Variants in RBM25 observed in about 807,000 individuals in gnomAD.
The protein encoded by RBM25 is RNA-binding protein 25.
A neutral mutation model predicts 120.7 loss-of-function variants in RBM25; 19 were observed. The ratio of observed to expected loss-of-function variants is 0.16; its 90% CI spans 0.11 to 0.23. The LOEUF is 0.23. Ranked by LOEUF, RBM25 falls within the 10% of genes least tolerant of loss-of-function variation. The probability of loss-of-function intolerance (pLI) is 1.00; values close to 1 mark genes in which losing one functional copy is unlikely to be tolerated. For synonymous variants in RBM25, 390 were observed against 326.7 expected (o/e 1.19, Z -2.09); for missense variants, 605 against 1,041.5 (o/e 0.58, Z 5.77).
In RBM25 at chr14:73,123,581, AG is replaced by A. The variant is rs1896570462; in HGVS notation, c.*3777del. 1 of 152,254 alleles carries A rather than the reference AG, an allele frequency of 6.6e-6. No individual in the cohort carries two copies. 9.4% of individuals were successfully genotyped at this position (152,254 alleles called of 1,614,324 possible). Reference sequence around the variant, plus strand: ...AGGCAAAGAAACAGTCTAGCTGTCAAGAAGAAAACAGGGAGATACATACCAA... The same window carrying A: ...AGGCAAAGAAACAGTCTAGCTGTCAAAAGAAAACAGGGAGATACATACCAA... On this transcript the variant is annotated 3_prime_UTR_variant, in exon 19 of 19. Coordinates refer to ENST00000261973, the MANE Select transcript of RBM25 (RefSeq NM_021239.3).
chr14:73,097,923 T>C (rs1895983724), intron 7 of RBM25, among the ~76,000 whole-genome samples: 1 of 152,230 alleles, frequency 6.6e-6, no homozygotes, highest in East Asian at 1.9e-4. Flanking sequence ...CTCATACTTA[T>C]TTCCTTTGGA....
chr14:73,065,336 C>G (rs989236658), intron 1 of RBM25, among the ~76,000 whole-genome samples: 1 of 152,056 alleles, frequency 6.6e-6, no homozygotes, highest in Non-Finnish European at 1.5e-5. Context: ...CCATGTTGGC[C>G]GGGCTGGTCT....
At chr14:73,081,721 A>T (rs552250681) in intron 4 of RBM25, among the ~76,000 whole-genome samples, 1 of 152,104 alleles carries the variant, frequency 6.6e-6, no homozygotes, top group Admixed American at 6.6e-5. Flanking sequence ...GTTTACCGGG[A>T]TATAGAATTC....
chr14:73,068,482 T>G lies in RBM25; in HGVS notation c.-15-3145T>G, dbSNP rs1252303802. Reference sequence around the variant, plus strand: ...GAAGGAACAAATCCAAGTTTTGACGTATTGTCAGTGTGCCGCATGTTGTAT... The same window carrying G: ...GAAGGAACAAATCCAAGTTTTGACGGATTGTCAGTGTGCCGCATGTTGTAT... On this transcript the variant is annotated intron_variant, in intron 1 of 18. Transcript: ENST00000261973. 5.6e-6 allele frequency: 5 copies of G among 893,970 alleles called. No homozygotes were observed. The Admixed American group carries it at 7.3e-5, about 13-fold the overall frequency. 55.4% of individuals were successfully genotyped at this position (893,970 alleles called of 1,614,324 possible).
chr14:73,088,968 C>G (rs1484887174), intron 6 of RBM25, among the ~76,000 whole-genome samples: 1 of 152,148 alleles, frequency 6.6e-6, no homozygotes, highest in East Asian at 1.9e-4. Context: ...TGGCGAAACC[C>G]TGTCTCTACT....
intron 6 of RBM25, among the ~76,000 whole-genome samples, chr14:73,096,378 A>T (rs966364290): frequency 1.3e-5 from 2 of 152,076 alleles, no homozygotes; most frequent in Non-Finnish European, 2.9e-5. Context: ...CATTATAAGC[A>T]CTCGTAGAAA....
chr14:73,091,245 G>A lies in RBM25; in HGVS notation c.543+3084G>A, dbSNP rs556713649. On this transcript the variant is annotated intron_variant, in intron 6 of 18. Transcript: ENST00000261973. ...GCTTGCTTGCTTTTTTTGGGGTGGG[G>A]ACAGAGTGTTGCTCTGTCACCCAGG... is the stretch of plus-strand genomic sequence containing the variant. 7.2e-5 allele frequency among the ~76,000 whole-genome samples: 11 copies of A among 152,260 alleles called. No homozygotes were observed. In the East Asian group the frequency reaches 2.1e-3, roughly 29 times the overall value.
rs112433051 is a variant in RBM25, at chr14:73,120,968, C to A, written c.*1163C>A. 7 of 152,132 alleles carry A rather than the reference C, an allele frequency of 4.6e-5. No individual in the cohort carries two copies. The highest frequency in any genetic ancestry group is 1.0e-4 in the Non-Finnish European group (7 of 68,016). The allele number at this position is 152,132 out of a possible 1,614,324, so 9.4% of individuals were successfully genotyped here. On this transcript the variant is annotated 3_prime_UTR_variant, in exon 19 of 19. Coordinates refer to ENST00000261973, the MANE Select transcript of RBM25 (RefSeq NM_021239.3). ...GTTTATATCTTGTTTTACCTTGGCT[C>A]ATTAGTGTTTAAAAATGTACTGATG...
At chr14:73,074,085 A>C (rs1030482185) in intron 2 of RBM25, among the ~76,000 whole-genome samples, 3 of 152,252 alleles carry the variant, frequency 2.0e-5, no homozygotes, top group Admixed American at 2.0e-4. Context: ...ATCAGCCATC[A>C]AACAGATTAA....
In RBM25 at chr14:73,062,913, C is replaced by T. The variant is rs1342498444; in HGVS notation, c.-16+4208C>T. On this transcript the variant is annotated intron_variant, in intron 1 of 18. Coordinates refer to ENST00000261973, the MANE Select transcript of RBM25 (RefSeq NM_021239.3). ...TCGGCTCATTGCAACCTCCACCTCC[C>T]GGGCTCAAGCGATTCTCCCATCTCA... Among the ~76,000 whole-genome samples, 4 of 150,736 alleles carry T rather than the reference C, an allele frequency of 2.7e-5. 1 individual carries two copies. Among genetic ancestry groups the T allele is most frequent in the Non-Finnish European group, 4.5e-5 (3 of 67,288 alleles).
intron 6 of RBM25, among the ~76,000 whole-genome samples, chr14:73,091,298 C>T (rs1251974990): frequency 2.6e-5 from 4 of 152,092 alleles, no homozygotes; most frequent in Non-Finnish European, 5.9e-5. Context: ...GTGATCTCTG[C>T]TCACTGCAAC....
At chr14:73,104,279 T>G (rs1896133196) in intron 10 of RBM25, among the ~76,000 whole-genome samples, 1 of 152,110 alleles carries the variant, frequency 6.6e-6, no homozygotes, top group African/African-American at 2.4e-5. Context: ...TCTTTCTGTC[T>G]ATAAATTTAC....
At chr14:73,070,173 G>A (rs548010630) in intron 1 of RBM25, among the ~76,000 whole-genome samples, 1 of 150,850 alleles carries the variant, frequency 6.6e-6, no homozygotes, top group South Asian at 2.1e-4. Context: ...TCAGCCTCCC[G>A]AGTAGCTGGG....
intron 13 of RBM25, 136 bp downstream of exon 13, chr14:73,108,035 T>C: frequency 1.5e-6 from 1 of 669,920 alleles, no homozygotes; most frequent in Non-Finnish European, 2.6e-6. Context: ...TTATTAATTC[T>C]ATAGCTAATA....
At chr14:73,107,635 A>G in intron 12 of RBM25, 191 bp from the exon 13 acceptor site, 1 of 530,446 alleles carries the variant, frequency 1.9e-6, no homozygotes, top group Admixed American at 3.9e-5. Flanking sequence ...TCTGGGATCC[A>G]GGAGAAACTT....
chr14:73,075,882 T>A (rs1325694650), intron 2 of RBM25, among the ~76,000 whole-genome samples: 2 of 151,656 alleles, frequency 1.3e-5, no homozygotes, highest in African/African-American at 4.8e-5. Flanking sequence ...CTGGGCTCAA[T>A]CTGTCCTCCT....
rs190626384 is a variant in RBM25, at chr14:73,119,414, C to T, written c.2440-299C>T. Among the ~76,000 whole-genome samples, 371 of 152,174 alleles carry T rather than the reference C, an allele frequency of 2.4e-3. 2 individuals are homozygous for T. Among genetic ancestry groups the T allele is most frequent in the Non-Finnish European group, 3.8e-3 (259 of 67,998 alleles). Reference sequence around the variant, plus strand: ...CCCAGCAGCTGGGAATACAGGCGCACGCTGCCATGCCCAGCTAGTTTTTTG... The same window carrying T: ...CCCAGCAGCTGGGAATACAGGCGCATGCTGCCATGCCCAGCTAGTTTTTTG... On this transcript the variant is annotated intron_variant, in intron 18 of 18. Transcript: ENST00000261973.
intron 18 of RBM25, among the ~76,000 whole-genome samples, chr14:73,117,253 G>A (rs1896455379): frequency 1.5e-5 from 1 of 65,622 alleles, no homozygotes; most frequent in Non-Finnish European, 2.7e-5. Context: ...TTGAGACAGA[G>A]TCTTGCTCTG....
Position 73,096,924 on chromosome 14 carries a change from C to A in RBM25, c.553C>A (p.Pro185Thr). The stretch of plus-strand genomic sequence containing the variant: ...TGCTGTTTTGTTTAAGAATGCAAGG[C>A]CAGAAACTGTCACTAATGACGATGA... Reference protein sequence around the residue: ...KKKASNGNARPETVTNDDEEA... With the variant: ...KKKASNGNARTETVTNDDEEA... Residue 185 changes from proline (P) to threonine (T), a missense_variant, in exon 7 of 19, where the codon CCA becomes ACA. Transcript: ENST00000261973. The A allele has an allele frequency of 6.2e-7, 1 of 1,611,382 alleles. No individual in the cohort carries two copies. Among genetic ancestry groups the A allele is most frequent in the East Asian group, 2.2e-5 (1 of 44,822 alleles).
Sources: gnomAD v4.1 joint callset for allele counts (sites outside exome capture counted in the v4.1 genomes callset) on GRCh38, gnomAD v4.1.1 for gene constraint, MANE v1.5 for transcripts, NCBI Gene and HGNC (gene_info 2026-07-23, HGNC 2026-07-21) for gene names.